Variants in TUBD1 observed in about 807,000 individuals in gnomAD.
TUBD1 encodes tubulin delta 1.
In TUBD1, 38 loss-of-function variants were observed where a neutral mutation model predicts 51.2. That is an observed-to-expected ratio of 0.74 (90% confidence interval 0.57 to 0.97). The LOEUF is 0.97. Ranked by LOEUF, TUBD1 falls within the 50% of genes least tolerant of loss-of-function variation. TUBD1 has a pLI of 0.00. For missense variants in TUBD1, 489 were observed against 538.4 expected (o/e 0.91, Z 0.91); for synonymous variants, 169 against 178.2 (o/e 0.95, Z 0.41).
At chr17:59,876,689 G>A (rs2040241753) in intron 5 of TUBD1, among the ~76,000 whole-genome samples, 1 of 151,534 alleles carries the variant, frequency 6.6e-6, no homozygotes, top group Non-Finnish European at 1.5e-5. Context: ...ATGAGGTCTT[G>A]CTATGCTGCT....
At chr17:59,873,525 A>G (rs879481571) in intron 6 of TUBD1, among the ~76,000 whole-genome samples, 2 of 152,150 alleles carry the variant, frequency 1.3e-5, no homozygotes, top group Non-Finnish European at 2.9e-5. Flanking sequence ...TGCTAGGATT[A>G]TAGGTATGAG....
At position 59,859,811 on chromosome 17, in the gene TUBD1, A is replaced by G. The variant is rs1014159450; in HGVS notation, c.*511T>C. ...TTTCTTGGCTAGTTCCAGAGTCCCA[A>G]CATTTCAGCAAAGTGTTTCCCCAAA... On this transcript the variant is annotated 3_prime_UTR_variant, in exon 9 of 9. Coordinates refer to ENST00000325752, the MANE Select transcript of TUBD1 (RefSeq NM_016261.4). 4 of 152,164 alleles carry G rather than the reference A, an allele frequency of 2.6e-5. No homozygotes were observed. The highest frequency in any genetic ancestry group is 9.7e-5 in the African/African-American group (4 of 41,414). 9.4% of individuals were successfully genotyped at this position (152,164 alleles called of 1,614,324 possible).
intron 8 of TUBD1, among the ~76,000 whole-genome samples, chr17:59,862,634 G>A (rs2039505515): frequency 6.6e-6 from 1 of 150,942 alleles, no homozygotes; most frequent in Non-Finnish European, 1.5e-5. Flanking sequence ...CCACCTCCTG[G>A]GTTCAAGTGA....
intron 7 of TUBD1, among the ~76,000 whole-genome samples, chr17:59,865,186 T>C (rs1345880514): frequency 1.3e-5 from 2 of 152,102 alleles, no homozygotes; most frequent in African/African-American, 4.8e-5. Flanking sequence ...CAACAAGAAG[T>C]AGCAAACATG....
chr17:59,862,558 A>T (rs1480870057), intron 8 of TUBD1, among the ~76,000 whole-genome samples: 1 of 151,252 alleles, frequency 6.6e-6, no homozygotes, highest in Non-Finnish European at 1.5e-5. Flanking sequence ...TTTTTTTTTG[A>T]GATGGAGTCT....
chr17:59,871,539 G>T (rs2039984196), intron 6 of TUBD1, among the ~76,000 whole-genome samples: 1 of 152,000 alleles, frequency 6.6e-6, no homozygotes, highest in African/African-American at 2.4e-5. Flanking sequence ...TAATTTCCTT[G>T]TACTCTCTTA....
At chr17:59,873,602 T>G (rs1352230865) in intron 6 of TUBD1, among the ~76,000 whole-genome samples, 2 of 151,956 alleles carry the variant, frequency 1.3e-5, no homozygotes, top group African/African-American at 4.8e-5. Context: ...CAGTGGCTCA[T>G]ACCTGTAATC....
At chr17:59,884,334 C>T (rs555915518) in intron 3 of TUBD1, among the ~76,000 whole-genome samples, 3 of 151,260 alleles carry the variant, frequency 2.0e-5, no homozygotes, top group Non-Finnish European at 4.4e-5. Flanking sequence ...AACATCAGGC[C>T]AGGCGCAGTG....
At chr17:59,867,015 G>C (rs1395397364) in intron 6 of TUBD1, among the ~76,000 whole-genome samples, 1 of 152,036 alleles carries the variant, frequency 6.6e-6, no homozygotes, top group African/African-American at 2.4e-5. Context: ...GGCTGGTCTC[G>C]AACTCCTGAC....
intron 2 of TUBD1, among the ~76,000 whole-genome samples, chr17:59,886,955 C>T (rs943866613): frequency 3.7e-4 from 56 of 151,920 alleles, no homozygotes; most frequent in African/African-American, 1.3e-3. Flanking sequence ...GAGGCCGAGG[C>T]GGGCGGATCA....
chr17:59,886,123 A>G lies in TUBD1; in HGVS notation c.280T>C (p.Phe94Leu). ...GQWKYGQHACFCQKQGSGNNW... is the reference protein window; with the variant it reads ...GQWKYGQHACLCQKQGSGNNW... ...TTTCCAGAACCTTGTTTTTGACAGA[A>G]GCATGCATGTTGACCATATTTCCAT... is the stretch of plus-strand genomic sequence containing the variant. The change falls in exon 3 of 9, where the codon TTC becomes CTC. Residue 94 changes from phenylalanine to leucine, a missense_variant. Physicochemically the swap from Phe to Leu is conservative, Grantham distance 22 (BLOSUM62 0). Coordinates refer to ENST00000325752, the MANE Select transcript of TUBD1 (RefSeq NM_016261.4). The G allele has an allele frequency of 2.5e-6, 4 of 1,614,100 alleles. No homozygotes were observed. The highest frequency in any genetic ancestry group is 3.3e-4 in the Middle Eastern group (2 of 6,062).
intron 6 of TUBD1, among the ~76,000 whole-genome samples, chr17:59,872,098 T>C (rs1361455060): frequency 6.6e-6 from 1 of 152,070 alleles, no homozygotes; most frequent in African/African-American, 2.4e-5. Flanking sequence ...GGATTACAAG[T>C]GTGTGCCATC....
chr17:59,881,043 A>G lies in TUBD1; in HGVS notation c.388T>C (p.Cys130Arg). ...ATGAAAAAACCACTGAAAGAGTCAC[A>G]TTTCTCCACTTCCTTCCGGATTATG... is the stretch of plus-strand genomic sequence containing the variant. ...MNIIRKEVEK[C>R]DSFSGFFIIM... The change falls in exon 4 of 9, where the codon TGT becomes CGT. Residue 130 changes from cysteine to arginine, a missense_variant. Coordinates refer to ENST00000325752, the MANE Select transcript of TUBD1 (RefSeq NM_016261.4). The G allele has an allele frequency of 1.2e-6, 2 of 1,614,092 alleles. No individual in the cohort carries two copies. Among genetic ancestry groups the G allele is most frequent in the Non-Finnish European group, 1.7e-6 (2 of 1,180,028 alleles).
intron 2 of TUBD1, 81 bp downstream of exon 2, chr17:59,890,750 G>A (rs1178961794): frequency 4.9e-6 from 6 of 1,213,344 alleles, no homozygotes; most frequent in Non-Finnish European, 6.8e-6. Flanking sequence ...AAGGAATGGG[G>A]TTTAAAAACC....
chr17:59,882,807 T>C (rs970610094), intron 3 of TUBD1, among the ~76,000 whole-genome samples: 1 of 151,596 alleles, frequency 6.6e-6, no homozygotes, highest in African/African-American at 2.4e-5. Context: ...TTTTTTGAGA[T>C]GCAGACACGC....
chr17:59,878,545 C>A (rs1476179522), intron 4 of TUBD1: 1 of 488,536 alleles, frequency 2.0e-6, no homozygotes, highest in East Asian at 3.5e-5. Flanking sequence ...AGTACAGTGG[C>A]ACCATCTCTG....
At position 59,880,919 on chromosome 17, in the gene TUBD1, ATC is replaced by A; in HGVS notation, c.510_511del (p.Gln170HisfsTer9). ...CTCACCAGTTCCATAAGGCCAAATA[ATC>A]TGATTCATTTTCAATGAGTTTGAGT... On this transcript the variant is annotated frameshift_variant, in exon 4 of 9. Coordinates refer to ENST00000325752, the MANE Select transcript of TUBD1 (RefSeq NM_016261.4). LOFTEE classifies it high-confidence loss of function. The A allele has an allele frequency of 6.2e-7, 1 of 1,614,108 alleles. No homozygotes were observed. Among genetic ancestry groups the A allele is most frequent in the Non-Finnish European group, 8.5e-7 (1 of 1,179,982 alleles).
intron 6 of TUBD1, among the ~76,000 whole-genome samples, chr17:59,868,085 A>C (rs1043488261): frequency 3.5e-5 from 5 of 143,480 alleles, no homozygotes; most frequent in Non-Finnish European, 6.0e-5. Context: ...CAAAATGGTG[A>C]AACCCCATCT....
chr17:59,866,687 T>G lies in TUBD1; in HGVS notation c.997A>C (p.Asn333His). The G allele has an allele frequency of 6.2e-7, 1 of 1,614,134 alleles. No homozygotes were observed. Among genetic ancestry groups the G allele is most frequent in the South Asian group, 1.1e-5 (1 of 91,092 alleles). ...GAAGTGTTAAAATGCAGGTCCTTGT[T>G]GAGAGACATTTTACTAAGAGGAGGA... is the stretch of plus-strand genomic sequence containing the variant. Reference protein sequence around the residue: ...GLPPLSKMSLNKDLHFNTSIA... With the variant: ...GLPPLSKMSLHKDLHFNTSIA... Residue 333 changes from asparagine to histidine, a missense_variant, in exon 7 of 9, where the codon AAC becomes CAC. Asn to His is a moderately conservative substitution (Grantham distance 68, BLOSUM62 1). Transcript: ENST00000325752.
Sources: gnomAD v4.1 joint callset for allele counts (sites outside exome capture counted in the v4.1 genomes callset) on GRCh38, gnomAD v4.1.1 for gene constraint, MANE v1.5 for transcripts, NCBI Gene and HGNC (gene_info 2026-07-23, HGNC 2026-07-21) for gene names.